Variants in GCG observed in about 807,000 individuals in gnomAD.
GCG encodes the protein pro-glucagon.
Under a neutral mutation model 22.8 loss-of-function variants are expected in GCG, and 11 were observed. The ratio of observed to expected loss-of-function variants is 0.48; its 90% CI spans 0.30 to 0.80. The LOEUF (loss-of-function observed/expected upper bound fraction) is 0.80. Among genes scored for constraint, GCG ranks in the 30% least tolerant of loss-of-function variants. The probability of loss-of-function intolerance (pLI) is 0.06; values close to 1 mark genes in which losing one functional copy is unlikely to be tolerated. For missense variants in GCG, 222 were observed against 222.0 expected (o/e 1.00, Z 0.00); for synonymous variants, 89 against 72.4 (o/e 1.23, Z -1.16).
intron 1 of GCG, among the ~76,000 whole-genome samples, chr2:162,150,915 G>A (rs962316483): frequency 4.6e-5 from 7 of 151,750 alleles, no homozygotes; most frequent in African/African-American, 9.7e-5. Context: ...TGAGCGTTCC[G>A]TATCTAATAA....
At chr2:162,148,737 A>AT (rs1686758114) in intron 2 of GCG, among the ~76,000 whole-genome samples, 1 of 152,230 alleles carries the variant, frequency 6.6e-6, no homozygotes, top group African/African-American at 2.4e-5. Flanking sequence ...AAATAATGCT[A>AT]TTTTTTAAAG....
chr2:162,145,263 T>C, intron 4 of GCG: 1 of 284,242 alleles, frequency 3.5e-6, no homozygotes, highest in Non-Finnish European at 6.5e-6. Context: ...TCCTATTTAC[T>C]CTCAGAGGTG....
chr2:162,149,196 A>G lies in GCG; in HGVS notation c.-9-9T>C. 6.7e-7 allele frequency: 1 copy of G among 1,503,136 alleles called. No homozygotes were observed. Among genetic ancestry groups the G allele is most frequent in the Non-Finnish European group, 9.2e-7 (1 of 1,085,312 alleles). The allele number at this position is 1,503,136 out of a possible 1,614,324, so 93.1% of individuals were successfully genotyped here. A position where few individuals can be genotyped will look rare whatever the true frequency, so the allele number is the denominator to read the frequency against. On this transcript the variant is annotated splice_polypyrimidine_tract_variant and intron_variant, in intron 1 of 5. Transcript: ENST00000418842. Reference sequence around the variant, plus strand: ...CTTTTCATTTCTGCTGTCTGTCAGAACACAGAATGGGGGTAGGGTGAGGGG... The same window carrying G: ...CTTTTCATTTCTGCTGTCTGTCAGAGCACAGAATGGGGGTAGGGTGAGGGG...
At chr2:162,148,227 G>C (rs1052150350) in intron 2 of GCG, among the ~76,000 whole-genome samples, 11 of 152,020 alleles carry the variant, frequency 7.2e-5, no homozygotes, top group Admixed American at 5.9e-4. Context: ...TGAACTTTCT[G>C]GAAAGCAAGT....
intron 2 of GCG, 39 bp downstream of exon 2, chr2:162,149,048 C>T (rs144980535): frequency 2.5e-6 from 3 of 1,203,260 alleles, no homozygotes; most frequent in Non-Finnish European, 3.7e-6. Flanking sequence ...TTTATTCCAA[C>T]CATATTGATA....
chr2:162,147,542 T>G (rs1057402933), intron 2 of GCG, 28 bp from the exon 3 acceptor site: 1 of 1,607,628 alleles, frequency 6.2e-7, no homozygotes. Flanking sequence ...TGGTACAACA[T>G]AAATCTCTCC....
At chr2:162,148,179 G>A (rs1280702549) in intron 2 of GCG, among the ~76,000 whole-genome samples, 1 of 152,024 alleles carries the variant, frequency 6.6e-6, no homozygotes, top group Non-Finnish European at 1.5e-5. Flanking sequence ...ATATTATGAG[G>A]AGTATTTCTA....
At position 162,149,117 on chromosome 2, in the gene GCG, C is replaced by A. The variant is rs745474532; in HGVS notation, c.62G>T (p.Arg21Leu). The A allele has an allele frequency of 6.2e-7, 1 of 1,611,266 alleles. No homozygotes were observed. Among genetic ancestry groups the A allele is most frequent in the Non-Finnish European group, 8.5e-7 (1 of 1,177,780 alleles). The part of the protein sequence containing the change: ...FVMLVQGSWQ[R>L]SLQDTEEKSR... ...TTTCTCCTCTGTGTCTTGAAGGGAACGTTGCCAGCTGCCTTGTACCAGCAT... is the reference window on the plus strand; with the variant it reads ...TTTCTCCTCTGTGTCTTGAAGGGAAAGTTGCCAGCTGCCTTGTACCAGCAT... The change falls in exon 2 of 6, where the codon CGT becomes CTT. Residue 21 changes from arginine to leucine, a missense_variant. Physicochemically the swap from Arg to Leu is moderately radical, Grantham distance 102. Transcript: ENST00000418842.
intron 1 of GCG, among the ~76,000 whole-genome samples, chr2:162,151,446 A>G (rs945954942): frequency 2.6e-5 from 4 of 152,168 alleles, no homozygotes; most frequent in Non-Finnish European, 2.9e-5. Context: ...ATCTAAAAAG[A>G]CAAATTAAAA....
chr2:162,145,205 C>T (rs7559086), intron 4 of GCG: 7,782 of 188,046 alleles, frequency 0.041, 649 homozygotes, highest in African/African-American at 0.17. Context: ...TCTAGCTCCC[C>T]TAGAACAGTC....
intron 3 of GCG, among the ~76,000 whole-genome samples, chr2:162,146,479 C>T (rs1422507586): frequency 3.3e-5 from 5 of 151,872 alleles, no homozygotes; most frequent in African/African-American, 9.7e-5. Context: ...TGGCTGTACC[C>T]TCTACTTTAA....
chr2:162,145,482 T>C lies in GCG; in HGVS notation c.392+58A>G, dbSNP rs371985452. On this transcript the variant is annotated intron_variant, in intron 4 of 5. Transcript: ENST00000418842. ...ATCCAGATCCATATATAGATAACTG[T>C]AGTCTTAAATTTTCTGCATCAAGGC... is the stretch of plus-strand genomic sequence containing the variant. The C allele has an allele frequency of 8.5e-5, 120 of 1,406,632 alleles. 1 individual carries two copies. The East Asian group carries it at 1.8e-3, about 21-fold the overall frequency. 87.1% of individuals were successfully genotyped at this position (1,406,632 alleles called of 1,614,324 possible). A position where few individuals can be genotyped will look rare whatever the true frequency, so the allele number is the denominator to read the frequency against.
intron 3 of GCG, 109 bp downstream of exon 3, chr2:162,147,244 G>A (rs2106196364): frequency 1.2e-6 from 1 of 811,912 alleles, no homozygotes; most frequent in Non-Finnish European, 2.0e-6. Context: ...AAATGATCAG[G>A]GCTTATGGGC....
At chr2:162,147,887 G>T (rs1307741353) in intron 2 of GCG, among the ~76,000 whole-genome samples, 1 of 152,090 alleles carries the variant, frequency 6.6e-6, no homozygotes, top group Non-Finnish European at 1.5e-5. Flanking sequence ...TTGGGCAGCA[G>T]ATTTAAGCTC....
At chr2:162,151,680 G>A (rs1270775677) in intron 1 of GCG, among the ~76,000 whole-genome samples, 2 of 152,080 alleles carry the variant, frequency 1.3e-5, no homozygotes, top group Non-Finnish European at 2.9e-5. Context: ...TTTGAAAGAT[G>A]TTATTTAATT....
intron 1 of GCG, among the ~76,000 whole-genome samples, chr2:162,150,827 G>C (rs1372144380): frequency 6.6e-6 from 1 of 152,076 alleles, no homozygotes; most frequent in Admixed American, 6.6e-5. Flanking sequence ...GTTCCATTGA[G>C]GAGGATTTAG....
At chr2:162,145,892 T>G (rs1482924580) in intron 3 of GCG, among the ~76,000 whole-genome samples, 1 of 151,834 alleles carries the variant, frequency 6.6e-6, no homozygotes, top group African/African-American at 2.4e-5. Flanking sequence ...GGGCTAAAGC[T>G]CCCCCTCCCT....
At chr2:162,145,327 A>G (rs1686654124) in intron 4 of GCG, 1 of 443,008 alleles carries the variant, frequency 2.3e-6, no homozygotes, top group Non-Finnish European at 3.9e-6. Context: ...ATAAGGGGAT[A>G]CAAATGTAAC....
At chr2:162,146,538 TTCTC>T (rs59717414) in intron 3 of GCG, among the ~76,000 whole-genome samples, 34,280 of 133,194 alleles carry the variant, frequency 0.26, 4,620 homozygotes, top group South Asian at 0.45. Flanking sequence ...TGCTTGCTTG[TTCTC>T]TCTCTCTCTC....
Sources: allele counts gnomAD v4.1 joint callset (sites outside exome capture counted in the v4.1 genomes callset), GRCh38; gene constraint gnomAD v4.1.1; transcripts MANE v1.5; gene names NCBI Gene and HGNC (gene_info 2026-07-23, HGNC 2026-07-21).